LPCAT1: variants seen among roughly 807,000 people sequenced by gnomAD.
The protein encoded by LPCAT1 is lysophosphatidylcholine acyltransferase 1, also known as 1-acylglycerol-3-phosphate O-acyltransferase.
In LPCAT1, 23 loss-of-function variants were observed where a neutral mutation model predicts 60.9. The observed-to-expected ratio is 0.38, with a 90% CI of 0.27 to 0.53. The LOEUF is 0.53. Ranked by LOEUF, LPCAT1 falls within the 20% of genes least tolerant of loss-of-function variation. LPCAT1 has a pLI of 0.82. For missense variants in LPCAT1, 622 were observed against 723.6 expected (o/e 0.86, Z 1.61); for synonymous variants, 340 against 301.1 (o/e 1.13, Z -1.34).
intron 3 of LPCAT1, among the ~76,000 whole-genome samples, chr5:1,490,915 G>A (rs1010485147): frequency 1.3e-5 from 2 of 152,108 alleles, no homozygotes; most frequent in African/African-American, 4.8e-5. Context: ...ACCCCACCAC[G>A]GGCTCCTAGG....
chr5:1,480,840 T>C lies in LPCAT1; in HGVS notation c.761+102A>G. 1 of 1,424,456 alleles carries C rather than the reference T, an allele frequency of 7.0e-7. No individual in the cohort carries two copies. The highest frequency in any genetic ancestry group is 9.9e-7 in the Non-Finnish European group (1 of 1,008,490). 88.2% of individuals were successfully genotyped at this position (1,424,456 alleles called of 1,614,324 possible). ...ACCTAACGGCTGTCCCACACCTGCT[T>C]TCACAACTGCAAAAGTAACTAGCGT... On this transcript the variant is annotated intron_variant, in intron 7 of 13. Coordinates refer to ENST00000283415, the MANE Select transcript of LPCAT1 (RefSeq NM_024830.5). This position sits in a 1 kb window ranked among gnomAD's most constrained non-coding sequence, Gnocchi z 6.4.
chr5:1,466,967 G>A (rs904218966), intron 12 of LPCAT1, 77 bp from the exon 13 acceptor site: 2 of 1,351,654 alleles, frequency 1.5e-6, no homozygotes, highest in African/African-American at 1.5e-5. Context: ...ACACCCCAGC[G>A]GCCCTGCCCC....
At chr5:1,501,926 A>G (rs1736030337) in intron 1 of LPCAT1, among the ~76,000 whole-genome samples, 3 of 151,376 alleles carry the variant, frequency 2.0e-5, no homozygotes, top group South Asian at 4.2e-4. Context: ...AAGGCTGACC[A>G]ACACTGACCG....
In LPCAT1 at chr5:1,470,969, A is replaced by G. The variant is rs369819470; in HGVS notation, c.1180-45T>C. ...CAGCCACAGCTCGGCCGCCTTCGGC[A>G]CTGGAGAAACGCCAGGGTTTCCCAT... is the stretch of plus-strand genomic sequence containing the variant. On this transcript the variant is annotated intron_variant, in intron 11 of 13. Transcript: ENST00000283415. The G allele has an allele frequency of 3.5e-5, 55 of 1,550,378 alleles. No individual in the cohort carries two copies. The African/African-American group carries it at 7.2e-4, about 20-fold the overall frequency.
intron 4 of LPCAT1, among the ~76,000 whole-genome samples, chr5:1,489,425 G>A (rs1213508693): frequency 1.3e-5 from 2 of 152,240 alleles, no homozygotes; most frequent in East Asian, 3.8e-4. Context: ...ACACACAGCA[G>A]GCTGACACAT....
intron 1 of LPCAT1, chr5:1,510,745 T>G (rs1426178922): frequency 2.0e-5 from 3 of 152,446 alleles, no homozygotes; most frequent in Admixed American, 2.0e-4. Flanking sequence ...GATGGTAGCA[T>G]GCAGGTAGCA....
chr5:1,501,429 CAGG>C, intron 2 of LPCAT1, 29 bp downstream of exon 2: 1 of 1,583,592 alleles, frequency 6.3e-7, no homozygotes, highest in African/African-American at 1.3e-5. Flanking sequence ...GACCCCCCCC[CAGG>C]AGGAGAGCAC....
At chr5:1,464,016 G>C (rs1351754288) in intron 13 of LPCAT1, among the ~76,000 whole-genome samples, 181 bp from the exon 14 acceptor site, 5 of 152,210 alleles carry the variant, frequency 3.3e-5, no homozygotes, top group African/African-American at 1.2e-4. Context: ...TTTCTTTGCA[G>C]CGCACGAAGT....
chr5:1,501,617 G>C lies in LPCAT1; in HGVS notation c.136-14C>G, dbSNP rs535241989. ...CATGAGGGCCACCTGCAGACAGAGG[G>C]GGGCATTATCCAGAGAATCCATGTA... is the stretch of plus-strand genomic sequence containing the variant. On this transcript the variant is annotated splice_polypyrimidine_tract_variant and intron_variant, in intron 1 of 13. Transcript: ENST00000283415. 4.3e-6 allele frequency: 7 copies of C among 1,613,546 alleles called. No homozygotes were observed. The East Asian group carries it at 1.3e-4, about 31-fold the overall frequency.
Position 1,463,831 on chromosome 5 carries a change from G to A in LPCAT1, c.1425C>T (p.Asp475=), listed in dbSNP as rs1271068661. 5 of 1,613,966 alleles carry A rather than the reference G, an allele frequency of 3.1e-6. No individual in the cohort carries two copies. The highest frequency in any genetic ancestry group is 1.1e-5 in the South Asian group (1 of 91,042). ...QEEKGKITFA[D]FHRFAEMYPA... is the part of the protein sequence containing the mutation. Reference sequence around the variant, plus strand: ...GGTACATTTCTGCAAACCTGTGGAAGTCAGCTGGAAAGACAAAGGCACCTG... The same window carrying A: ...GGTACATTTCTGCAAACCTGTGGAAATCAGCTGGAAAGACAAAGGCACCTG... The change falls in exon 14 of 14, where the codon GAC becomes GAT. Residue 475 remains aspartate (D), a synonymous_variant. Transcript: ENST00000283415.
intron 1 of LPCAT1, among the ~76,000 whole-genome samples, chr5:1,510,466 GC>G (rs371242791): frequency 3.5e-4 from 54 of 152,294 alleles, no homozygotes; most frequent in African/African-American, 1.2e-3. Flanking sequence ...CTTTGGATTT[GC>G]AAATCGGCCC....
intron 4 of LPCAT1, 35 bp downstream of exon 4, chr5:1,489,711 A>C: frequency 6.8e-7 from 1 of 1,463,156 alleles, no homozygotes; most frequent in South Asian, 1.1e-5. Context: ...TTCGGAATAA[A>C]ACCACTGAAA....
chr5:1,510,594 T>C (rs1206427937), intron 1 of LPCAT1, among the ~76,000 whole-genome samples: 6 of 152,240 alleles, frequency 3.9e-5, no homozygotes, highest in Non-Finnish European at 5.9e-5. Flanking sequence ...TCAAAGCCAG[T>C]CTGGTCTTGG....
intron 12 of LPCAT1, among the ~76,000 whole-genome samples, chr5:1,470,560 C>G (rs1734625484): frequency 6.6e-6 from 1 of 152,234 alleles, no homozygotes. Flanking sequence ...GTGACACCAC[C>G]AGCCCCACCC....
chr5:1,494,681 G>A lies in LPCAT1; in HGVS notation c.493+19C>T. The A allele has an allele frequency of 1.2e-6, 2 of 1,609,802 alleles. No homozygotes were observed. The highest frequency in any genetic ancestry group is 1.7e-5 in the Admixed American group (1 of 59,976). The stretch of plus-strand genomic sequence containing the variant: ...AGCAGGGCAGGGTCCCTCACTCCCA[G>A]CAGGGGTGTCTCACTCACTTCCCCA... On this transcript the variant is annotated intron_variant, in intron 3 of 13. Transcript: ENST00000283415.
At position 1,523,515 on chromosome 5, in the gene LPCAT1, C is replaced by A. The variant is rs1736738842; in HGVS notation, c.135+195G>T. On this transcript the variant is annotated intron_variant, in intron 1 of 13. Coordinates refer to ENST00000283415, the MANE Select transcript of LPCAT1 (RefSeq NM_024830.5). The surrounding 1 kb of genome is among the most constrained non-coding windows in gnomAD (Gnocchi z 7.1). ...GCGTGCGGGCGGCGGGAAGCCGGCG[C>A]CGAGACCGAGGCATCGGGTGCGGGC... Among the ~76,000 whole-genome samples, 1 of 151,028 alleles carries A rather than the reference C, an allele frequency of 6.6e-6. No homozygotes were observed. The highest frequency in any genetic ancestry group is 1.5e-5 in the Non-Finnish European group (1 of 67,660).
At chr5:1,511,384 T>A (rs1053113369) in intron 1 of LPCAT1, among the ~76,000 whole-genome samples, 2 of 151,100 alleles carry the variant, frequency 1.3e-5, no homozygotes, top group Non-Finnish European at 2.9e-5. Context: ...CGTGGGGACA[T>A]CACCTGCTCA....
chr5:1,490,270 A>G (rs1348589259), intron 3 of LPCAT1, among the ~76,000 whole-genome samples: 1 of 152,162 alleles, frequency 6.6e-6, no homozygotes, highest in Non-Finnish European at 1.5e-5. Flanking sequence ...CCCCTAAAAG[A>G]CAAGCTGAAG....
In LPCAT1 at chr5:1,472,208, C is replaced by T. The variant is rs541042543; in HGVS notation, c.1180-1284G>A. On this transcript the variant is annotated intron_variant, in intron 11 of 13. Transcript: ENST00000283415. The stretch of plus-strand genomic sequence containing the variant: ...GAGCAGGAGGAGGCGAGGTGAGGAG[C>T]ACCCAGGGGCGGAGGGAGGACTCCC... Among the ~76,000 whole-genome samples, 4 of 150,028 alleles carry T rather than the reference C, an allele frequency of 2.7e-5. No homozygotes were observed. The East Asian group carries it at 8.0e-4, about 30-fold the overall frequency.
Sources: allele counts gnomAD v4.1 joint callset (sites outside exome capture counted in the v4.1 genomes callset), GRCh38; gene constraint gnomAD v4.1.1; non-coding constraint Gnocchi (gnomAD v3.1); transcripts MANE v1.5; gene names NCBI Gene and HGNC (gene_info 2026-07-23, HGNC 2026-07-21).